Variants in MCTP1 observed in about 807,000 individuals in gnomAD.
MCTP1 encodes multiple C2 and transmembrane domain-containing protein 1.
A neutral mutation model predicts 120.6 loss-of-function variants in MCTP1; 69 were observed. That is an observed-to-expected ratio of 0.57 (90% confidence interval 0.47 to 0.70). The LOEUF is 0.70. Among genes scored for constraint, MCTP1 ranks in the 30% least tolerant of loss-of-function variants. The probability of loss-of-function intolerance (pLI) is 0.00; values close to 1 mark genes in which losing one functional copy is unlikely to be tolerated. For missense variants in MCTP1, 1,203 were observed against 1,248.8 expected, an observed-to-expected ratio of 0.96 and a Z score of 0.55; for synonymous variants, 529 against 493.1, an observed-to-expected ratio of 1.07 and a Z score of -0.96.
intron 2 of MCTP1, among the ~76,000 whole-genome samples, chr5:94,991,824 C>A (rs952980915): frequency 6.6e-6 from 1 of 151,868 alleles, no homozygotes; most frequent in East Asian, 1.9e-4. Flanking sequence ...TTGCAGTGAG[C>A]CGAGATCACA....
At chr5:95,161,355 A>G (rs1401389003) in intron 1 of MCTP1, among the ~76,000 whole-genome samples, 2 of 152,144 alleles carry the variant, frequency 1.3e-5, no homozygotes, top group African/African-American at 2.4e-5. Context: ...AGAGACAGAT[A>G]CTGCATATCT....
intron 17 of MCTP1, among the ~76,000 whole-genome samples, chr5:94,830,719 A>C (rs1277300628): frequency 6.6e-6 from 1 of 152,216 alleles, no homozygotes; most frequent in Non-Finnish European, 1.5e-5. Context: ...TCATGTTTCC[A>C]CATGGGGGTG....
At chr5:94,966,264 C>A (rs1825573449) in intron 2 of MCTP1, among the ~76,000 whole-genome samples, 1 of 152,144 alleles carries the variant, frequency 6.6e-6, no homozygotes, top group Admixed American at 6.5e-5. Context: ...TTAGGAATCC[C>A]AGACACCCAT....
At chr5:94,711,601 G>A (rs1291011885) in intron 20 of MCTP1, among the ~76,000 whole-genome samples, 1 of 152,060 alleles carries the variant, frequency 6.6e-6, no homozygotes, top group Non-Finnish European at 1.5e-5. Context: ...CCTTGTGAAG[G>A]ACAGCATTCT....
At chr5:95,008,952 C>A (rs939752680) in intron 2 of MCTP1, among the ~76,000 whole-genome samples, 6 of 151,756 alleles carry the variant, frequency 4.0e-5, no homozygotes, top group Non-Finnish European at 8.8e-5. Flanking sequence ...TTCCATGAAC[C>A]CAGGAGTCTG....
intron 19 of MCTP1, among the ~76,000 whole-genome samples, chr5:94,765,659 C>G (rs1772445568): frequency 6.7e-6 from 1 of 149,058 alleles, no homozygotes; most frequent in Non-Finnish European, 1.5e-5. Context: ...CGAGATCATA[C>G]CACTGCACTC....
intron 2 of MCTP1, among the ~76,000 whole-genome samples, chr5:95,005,389 T>C (rs116124700): frequency 6.7e-6 from 1 of 150,236 alleles, no homozygotes; most frequent in African/African-American, 2.4e-5. Flanking sequence ...GAAGACATGA[T>C]TGTGTTTTAA....
chr5:95,042,071 AT>A (rs1842447182), intron 1 of MCTP1, among the ~76,000 whole-genome samples: 1 of 152,216 alleles, frequency 6.6e-6, no homozygotes, highest in African/African-American at 2.4e-5. Context: ...TTACTGCTTC[AT>A]CACTGAAATG....
chr5:95,001,628 C>T (rs535785247), intron 2 of MCTP1, among the ~76,000 whole-genome samples: 1 of 152,252 alleles, frequency 6.6e-6, no homozygotes, highest in East Asian at 1.9e-4. Context: ...CAGCATTTTG[C>T]CCCTGCCCTT....
intron 18 of MCTP1, among the ~76,000 whole-genome samples, chr5:94,790,019 G>C (rs947960596): frequency 6.6e-6 from 1 of 152,140 alleles, no homozygotes; most frequent in Non-Finnish European, 1.5e-5. Context: ...GATTCAATTA[G>C]AACAATCTGA....
At chr5:94,985,858 T>C (rs1830331671) in intron 2 of MCTP1, among the ~76,000 whole-genome samples, 1 of 152,206 alleles carries the variant, frequency 6.6e-6, no homozygotes. Context: ...ATGGTATAAA[T>C]GGCTTGTCTG....
At chr5:95,014,941 A>C (rs979238137) in intron 2 of MCTP1, among the ~76,000 whole-genome samples, 2 of 152,306 alleles carry the variant, frequency 1.3e-5, no homozygotes, top group Admixed American at 6.5e-5. Context: ...CACCCTAATC[A>C]GTCAGCAGCC....
intron 1 of MCTP1, among the ~76,000 whole-genome samples, chr5:95,135,469 T>C (rs1759382521): frequency 6.6e-6 from 1 of 152,236 alleles, no homozygotes; most frequent in African/African-American, 2.4e-5. Context: ...TGCAAAGTAT[T>C]GTTCCCAGGT....
chr5:95,252,126 CAA>C (rs1757440230), intron 1 of MCTP1, among the ~76,000 whole-genome samples: 2 of 152,094 alleles, frequency 1.3e-5, no homozygotes, highest in Admixed American at 6.6e-5. Context: ...TCAAGATAAA[CAA>C]TGACTAGTCC....
intron 19 of MCTP1, among the ~76,000 whole-genome samples, chr5:94,735,541 C>T (rs72773595): frequency 0.056 from 8,510 of 152,008 alleles, 356 homozygotes; most frequent in East Asian, 0.17. Flanking sequence ...CCTCCTAAAG[C>T]GCTGGGATTA....
At chr5:95,067,975 A>G (rs1406404317) in intron 1 of MCTP1, among the ~76,000 whole-genome samples, 1 of 152,208 alleles carries the variant, frequency 6.6e-6, no homozygotes, top group Non-Finnish European at 1.5e-5. Context: ...AGTCTCTGGT[A>G]ACCACTTTTC....
chr5:95,095,167 GC>G (rs1160512545), intron 1 of MCTP1, among the ~76,000 whole-genome samples: 1 of 150,690 alleles, frequency 6.6e-6, no homozygotes, highest in Non-Finnish European at 1.5e-5. Flanking sequence ...GGGACTACAG[GC>G]GCCCGCTACC....
chr5:95,280,167 T>C (rs2152744762), intron 1 of MCTP1, among the ~76,000 whole-genome samples: 1 of 152,352 alleles, frequency 6.6e-6, no homozygotes, highest in Non-Finnish European at 1.5e-5. Context: ...ACTTCATGTA[T>C]AGACTTAATT....
At chr5:94,824,850 G>A (rs951513962) in intron 17 of MCTP1, among the ~76,000 whole-genome samples, 2 of 152,060 alleles carry the variant, frequency 1.3e-5, no homozygotes, top group Non-Finnish European at 2.9e-5. Context: ...ATTCTCTGAT[G>A]GTAGTTTGTA....
Sources: gnomAD v4.1 joint callset for allele counts (sites outside exome capture counted in the v4.1 genomes callset) on GRCh38, gnomAD v4.1.1 for gene constraint, MANE v1.5 for transcripts, NCBI Gene and HGNC (gene_info 2026-07-23, HGNC 2026-07-21) for gene names.